The following CDH18 variants were observed in gnomAD, a reference collection of about 807,000 sequenced individuals.
The protein encoded by CDH18 is cadherin-18.
A neutral mutation model predicts 67.9 loss-of-function variants in CDH18; 31 were observed. That is an observed-to-expected ratio of 0.46 (90% confidence interval 0.34 to 0.62). The LOEUF (loss-of-function observed/expected upper bound fraction) is 0.62. Among genes scored for constraint, CDH18 ranks in the 20% least tolerant of loss-of-function variants. The pLI, the probability that CDH18 is intolerant of heterozygous loss-of-function variation, is 0.01. For missense variants in CDH18, 890 were observed against 975.5 expected (o/e 0.91, Z 1.17); for synonymous variants, 362 against 347.2 (o/e 1.04, Z -0.48).
chr5:20,496,042 G>T (rs925039711), intron 1 of CDH18, among the ~76,000 whole-genome samples: 1 of 152,042 alleles, frequency 6.6e-6, no homozygotes, highest in African/African-American at 2.4e-5. Context: ...TAATATTATT[G>T]AGTTGAGAAG....
chr5:20,520,088 C>A (rs1207236420), intron 1 of CDH18, among the ~76,000 whole-genome samples: 1 of 150,566 alleles, frequency 6.6e-6, no homozygotes, highest in Non-Finnish European at 1.5e-5. Flanking sequence ...GTGTGAGCCA[C>A]CACGCCCAGC....
At chr5:19,591,756 G>A (rs920990335) in intron 6 of CDH18, among the ~76,000 whole-genome samples, 7 of 151,990 alleles carry the variant, frequency 4.6e-5, no homozygotes, top group East Asian at 1.9e-4. Flanking sequence ...AGTCATGTCC[G>A]AGAACGTGAA....
At chr5:19,924,788 G>C (rs1408370776) in intron 2 of CDH18, among the ~76,000 whole-genome samples, 1 of 152,168 alleles carries the variant, frequency 6.6e-6, no homozygotes, top group Admixed American at 6.5e-5. Flanking sequence ...ACAGAGCAGA[G>C]AGTGACCAAG....
Position 20,008,195 on chromosome 5 carries a change from G to A in CDH18, c.-517-16181C>T, listed in dbSNP as rs183213062. On this transcript the variant is annotated intron_variant, in intron 2 of 14. Transcript: ENST00000507958. ...TGATGGCAATGCACAGTTTGCTTTG[G>A]GAATTATATAATATGAATGTTATTA... 3.8e-3 allele frequency among the ~76,000 whole-genome samples: 571 copies of A among 151,896 alleles called. 2 individuals carry two copies. Among genetic ancestry groups the A allele is most frequent in the African/African-American group, 0.013 (537 of 41,428 alleles).
intron 2 of CDH18, among the ~76,000 whole-genome samples, chr5:20,121,130 G>A (rs1412412387): frequency 6.6e-6 from 1 of 152,116 alleles, no homozygotes; most frequent in Non-Finnish European, 1.5e-5. Context: ...TGTTTTATCT[G>A]TGCAAAGCGC....
At chr5:20,346,398 C>G (rs1740702029) in intron 1 of CDH18, among the ~76,000 whole-genome samples, 1 of 152,156 alleles carries the variant, frequency 6.6e-6, no homozygotes, top group Non-Finnish European at 1.5e-5. Context: ...CCTTAACAAA[C>G]CACTCTGCCT....
At chr5:20,441,038 A>G (rs887303107) in intron 1 of CDH18, among the ~76,000 whole-genome samples, 2 of 151,956 alleles carry the variant, frequency 1.3e-5, no homozygotes, top group Admixed American at 6.5e-5. Context: ...GGAAGGGCCT[A>G]TCATAAGATT....
intron 2 of CDH18, among the ~76,000 whole-genome samples, chr5:19,892,653 T>A (rs1404594457): frequency 6.6e-6 from 1 of 152,096 alleles, no homozygotes; most frequent in African/African-American, 2.4e-5. Context: ...CTTCACCTTG[T>A]GTTCTCTTGG....
intron 2 of CDH18, among the ~76,000 whole-genome samples, chr5:19,938,731 C>T (rs1468244438): frequency 1.3e-5 from 2 of 151,144 alleles, no homozygotes; most frequent in East Asian, 1.9e-4. Flanking sequence ...AACATGCTTG[C>T]CTATTATATG....
chr5:19,824,691 C>T (rs1780230211), intron 3 of CDH18, among the ~76,000 whole-genome samples: 1 of 152,174 alleles, frequency 6.6e-6, no homozygotes, highest in Non-Finnish European at 1.5e-5. Flanking sequence ...TGGGGCTTCA[C>T]ACCAGCTTCA....
intron 1 of CDH18, among the ~76,000 whole-genome samples, chr5:20,559,896 C>A (rs537256212): frequency 2.1e-4 from 32 of 152,214 alleles, no homozygotes; most frequent in South Asian, 4.1e-4. Context: ...GTGCAGGCTG[C>A]GGATTCATTT....
At chr5:20,019,585 A>G (rs1322928745) in intron 2 of CDH18, among the ~76,000 whole-genome samples, 1 of 152,134 alleles carries the variant, frequency 6.6e-6, no homozygotes, top group East Asian at 1.9e-4. Context: ...CTCTGTCCAT[A>G]TACAGCATAC....
intron 2 of CDH18, among the ~76,000 whole-genome samples, chr5:20,051,610 C>T (rs1040994515): frequency 6.6e-6 from 1 of 151,802 alleles, no homozygotes; most frequent in African/African-American, 2.4e-5. Flanking sequence ...AAAACTTAAA[C>T]AACTGGGTGG....
rs116241967 is a variant in CDH18 at position 20,282,962 on chromosome 5, C to T, written c.-579-27457G>A. Among the ~76,000 whole-genome samples the T allele has an allele frequency of 1.6e-3, 243 of 152,028 alleles. 1 individual carries two copies. Among genetic ancestry groups the T allele is most frequent in the South Asian group, 0.016 (76 of 4,820 alleles). ...AAAATAGAGAGACCAAAAACAAATC[C>T]GTACATCTACAGTGAACTTATTTTC... On this transcript the variant is annotated intron_variant, in intron 1 of 14. Transcript: ENST00000507958.
chr5:19,959,255 C>T (rs1011915901), intron 2 of CDH18, among the ~76,000 whole-genome samples: 4 of 151,766 alleles, frequency 2.6e-5, no homozygotes, highest in Non-Finnish European at 5.9e-5. Context: ...GTGTGTATAA[C>T]TGTAGGTGAG....
chr5:19,559,587 C>T (rs540356589), intron 8 of CDH18, among the ~76,000 whole-genome samples: 2 of 151,954 alleles, frequency 1.3e-5, no homozygotes, highest in African/African-American at 4.8e-5. Flanking sequence ...AAAAGCATTC[C>T]CCCTGAGAAT....
chr5:19,837,528 G>GA (rs139527010), intron 3 of CDH18, among the ~76,000 whole-genome samples: 2 of 151,918 alleles, frequency 1.3e-5, no homozygotes, highest in African/African-American at 4.8e-5. Context: ...ACTTGGTAGG[G>GA]AAAAAAGCAT....
intron 5 of CDH18, among the ~76,000 whole-genome samples, chr5:19,619,587 A>G (rs1460157229): frequency 1.3e-5 from 2 of 152,218 alleles, no homozygotes; most frequent in Non-Finnish European, 2.9e-5. Context: ...TAGTGAGACA[A>G]TGGCAGAGAT....
chr5:19,521,118 A>G (rs1746834931), intron 9 of CDH18, among the ~76,000 whole-genome samples: 1 of 152,174 alleles, frequency 6.6e-6, no homozygotes, highest in African/African-American at 2.4e-5. Flanking sequence ...TTAATCTAAG[A>G]AAAACACAGC....
Sources: allele counts gnomAD v4.1 joint callset (sites outside exome capture counted in the v4.1 genomes callset), GRCh38; gene constraint gnomAD v4.1.1; transcripts MANE v1.5; gene names NCBI Gene and HGNC (gene_info 2026-07-23, HGNC 2026-07-21).